The following CRB2 variants were observed in gnomAD, a reference collection of about 807,000 sequenced individuals.
CRB2 encodes crumbs cell polarity complex component 2, also known as protein crumbs homolog 2.
Under a neutral mutation model 110.9 loss-of-function variants are expected in CRB2, and 85 were observed. The observed-to-expected ratio is 0.77, with a 90% CI of 0.64 to 0.92. CRB2 has a LOEUF of 0.92. CRB2 is among the 40% of genes least tolerant of loss of function. The pLI is 0.00. For missense variants in CRB2, 1,843 were observed against 1,851.3 expected (o/e 1.00, Z 0.08); for synonymous variants, 907 against 831.0 (o/e 1.09, Z -1.57).
intron 6 of CRB2, among the ~76,000 whole-genome samples, chr9:123,368,104 C>T (rs1182976096): frequency 6.6e-6 from 1 of 152,100 alleles, no homozygotes. Flanking sequence ...GCCTTGGGTA[C>T]ACGCAGATGC....
intron 1 of CRB2, among the ~76,000 whole-genome samples, chr9:123,359,344 T>C (rs1291828146): frequency 6.6e-6 from 1 of 151,614 alleles, no homozygotes; most frequent in Non-Finnish European, 1.5e-5. Context: ...AGATCTTAGG[T>C]CGCTTCTTAG....
chr9:123,374,079 A>G (rs1362877278), intron 10 of CRB2, 159 bp downstream of exon 10: 1 of 1,019,684 alleles, frequency 9.8e-7, no homozygotes, highest in Admixed American at 2.0e-5. Context: ...AAATTTCCTG[A>G]TAAAATACAG....
intron 9 of CRB2, 60 bp downstream of exon 9, chr9:123,372,402 C>T (rs566601766): frequency 6.6e-7 from 1 of 1,525,902 alleles, no homozygotes; most frequent in African/African-American, 1.4e-5. Context: ...CTGGTTAGAT[C>T]CCATCTGCAC....
chr9:123,375,601 G>A (rs1162875829), intron 12 of CRB2, among the ~76,000 whole-genome samples: 3 of 152,230 alleles, frequency 2.0e-5, no homozygotes, highest in Admixed American at 6.5e-5. Flanking sequence ...TCCTCAGAGT[G>A]CCCAGGGCAG....
At chr9:123,367,954 G>A (rs1041553050) in intron 6 of CRB2, among the ~76,000 whole-genome samples, 5 of 152,064 alleles carry the variant, frequency 3.3e-5, no homozygotes, top group African/African-American at 7.2e-5. Flanking sequence ...CAGGGAAGAC[G>A]GAGGTGGTTC....
Position 123,370,778 on chromosome 9 carries a change from C to T in CRB2, c.1725C>T (p.Thr575=). Residue 575 remains threonine, a synonymous_variant, in exon 7 of 13, where the codon ACC becomes ACT. Transcript: ENST00000373631. ...GISSAQLGDA[T]FAGCLQDVRV... The stretch of plus-strand genomic sequence containing the variant: ...CCTCTGCCCAGCTGGGGGACGCGAC[C>T]TTTGCAGGCTGCCTCCAGGACGTGC... 1.9e-6 allele frequency: 3 copies of T among 1,602,854 alleles called. No homozygotes were observed. Among genetic ancestry groups the T allele is most frequent in the South Asian group, 1.1e-5 (1 of 91,056 alleles).
intron 1 of CRB2, among the ~76,000 whole-genome samples, chr9:123,362,191 G>C (rs749916648): frequency 6.6e-6 from 1 of 152,218 alleles, no homozygotes; most frequent in African/African-American, 2.4e-5. Flanking sequence ...AATGAGACCA[G>C]CGGAGCACAC....
At chr9:123,368,213 C>T (rs562688432) in intron 6 of CRB2, among the ~76,000 whole-genome samples, 9 of 152,262 alleles carry the variant, frequency 5.9e-5, no homozygotes, top group East Asian at 1.9e-4. Context: ...CACACCCGCC[C>T]GCATTCCTGC....
chr9:123,374,575 C>T lies in CRB2; in HGVS notation c.3390-4C>T. The T allele has an allele frequency of 1.9e-6, 3 of 1,610,258 alleles. No individual in the cohort carries two copies. Among genetic ancestry groups the T allele is most frequent in the Non-Finnish European group, 2.5e-6 (3 of 1,177,292 alleles). ...ACCCACTCCAGCCTCTGCTCTCTCCCCAGGTTGCCTGTCCCATCCAAGGAG... is the reference window on the plus strand; with the variant it reads ...ACCCACTCCAGCCTCTGCTCTCTCCTCAGGTTGCCTGTCCCATCCAAGGAG... On this transcript the variant is annotated splice_polypyrimidine_tract_variant and splice_region_variant and intron_variant, in intron 10 of 12. Transcript: ENST00000373631.
In CRB2 at chr9:123,373,666, T is replaced by G. The variant is rs2042054902; in HGVS notation, c.3135T>G (p.Pro1045=). 1.4e-6 allele frequency: 2 copies of G among 1,440,872 alleles called. No individual in the cohort carries two copies. The highest frequency in any genetic ancestry group is 1.4e-5 in the South Asian group (1 of 70,508). The allele number at this position is 1,440,872 out of a possible 1,614,324, so 89.3% of individuals were successfully genotyped here. A position where few individuals can be genotyped will look rare whatever the true frequency, so the allele number is the denominator to read the frequency against. ...PGAREHFASW[P]GTPAPILGCR... is the part of the protein sequence containing the mutation. Reference sequence around the variant, plus strand: ...CCCGAGAGCACTTCGCGTCTTGGCCTGGGACGCCGGCCCCGATCCTCGGCT... The same window carrying G: ...CCCGAGAGCACTTCGCGTCTTGGCCGGGGACGCCGGCCCCGATCCTCGGCT... The change falls in exon 10 of 13, where the codon CCT becomes CCG. Residue 1045 remains proline (P), a synonymous_variant. Coordinates refer to ENST00000373631, the MANE Select transcript of CRB2 (RefSeq NM_173689.7).
Position 123,373,825 on chromosome 9 carries a change from T to TCACTCCGCCCCCTGC in CRB2, c.3295_3309dup (p.His1099_Cys1103dup). 1.9e-6 allele frequency: 3 copies of TCACTCCGCCCCCTGC among 1,578,200 alleles called. No individual in the cohort carries two copies. The highest frequency in any genetic ancestry group is 2.6e-6 in the Non-Finnish European group (3 of 1,169,240). On this transcript the variant is annotated inframe_insertion, in exon 10 of 13. Coordinates refer to ENST00000373631, the MANE Select transcript of CRB2 (RefSeq NM_173689.7). ...GCTGCGAAGCCCACGTCGACCCCTG[T>TCACTCCGCCCCCTGC]CACTCCGCCCCCTGCGCCCGTGGCC...
rs768585890 is a variant in CRB2 at position 123,365,892 on chromosome 9, CCT to C, written c.419-24_419-23del. Reference sequence around the variant, plus strand: ...CCTGCTCTGGGTGTCCATCCTGCACCCTGTGTGTCCCCTGCCCTGTCCAGGCG... The same window carrying C: ...CCTGCTCTGGGTGTCCATCCTGCACCGTGTGTCCCCTGCCCTGTCCAGGCG... On this transcript the variant is annotated intron_variant, in intron 2 of 12. Coordinates refer to ENST00000373631, the MANE Select transcript of CRB2 (RefSeq NM_173689.7). 2.5e-6 allele frequency: 4 copies of C among 1,575,920 alleles called. No homozygotes were observed. The African/African-American group carries it at 4.1e-5, about 16-fold the overall frequency.
intron 3 of CRB2, 43 bp downstream of exon 3, chr9:123,366,155 G>C: frequency 7.3e-7 from 1 of 1,377,706 alleles, no homozygotes; most frequent in Middle Eastern, 2.4e-4. Context: ...CCGGGTGCCC[G>C]AGGGCGGGGA....
rs531089400 is a variant in CRB2, at chr9:123,375,941, G to A, written c.3633+598G>A. ...GTGGGTGCTGGCGAGGAGAGGCTTG[G>A]AAGGGAAGTCTGGGGAGCAGCCTTG... is the stretch of plus-strand genomic sequence containing the variant. On this transcript the variant is annotated intron_variant, in intron 12 of 12. Coordinates refer to ENST00000373631, the MANE Select transcript of CRB2 (RefSeq NM_173689.7). Among the ~76,000 whole-genome samples, 30 of 152,236 alleles carry A rather than the reference G, an allele frequency of 2.0e-4. No individual in the cohort carries two copies. The South Asian group carries it at 5.8e-3, about 29-fold the overall frequency.
Position 123,366,225 on chromosome 9 carries a change from A to G in CRB2, c.615-2A>G. On this transcript the variant is annotated splice_acceptor_variant, in intron 3 of 12. Coordinates refer to ENST00000373631, the MANE Select transcript of CRB2 (RefSeq NM_173689.7). LOFTEE classifies it high-confidence loss of function. ...TCAGCTCCGCCGGTGCGCCCTCCCC[A>G]GGTTCCGGTGCGACTGCGCGGGCAC... is the stretch of plus-strand genomic sequence containing the variant. 3 of 1,450,854 alleles carry G rather than the reference A, an allele frequency of 2.1e-6. No homozygotes were observed. Among genetic ancestry groups the G allele is most frequent in the Non-Finnish European group, 2.7e-6 (3 of 1,111,122 alleles). The allele number at this position is 1,450,854 out of a possible 1,614,324, so 89.9% of individuals were successfully genotyped here. A position where few individuals can be genotyped will look rare whatever the true frequency, so the allele number is the denominator to read the frequency against.
Position 123,373,924 on chromosome 9 carries a change from G to A in CRB2, c.3389+4G>A, listed in dbSNP as rs2042062481. On this transcript the variant is annotated splice_donor_region_variant and intron_variant, in intron 10 of 12. Coordinates refer to ENST00000373631, the MANE Select transcript of CRB2 (RefSeq NM_173689.7). ...GCTTCGGGGGCCCGCGCTGCAGGTG[G>A]GATGGCTGGGCAGGGGGGTGGGCTG... The A allele has an allele frequency of 6.5e-7, 1 of 1,549,670 alleles. No individual in the cohort carries two copies. Among genetic ancestry groups the A allele is most frequent in the South Asian group, 1.2e-5 (1 of 84,132 alleles).
rs1280017278 is a variant in CRB2, at chr9:123,373,315, G to C, written c.2784G>C (p.Ser928=). Residue 928 remains serine (S), a synonymous_variant, in exon 10 of 13, where the codon TCG becomes TCC. Transcript: ENST00000373631. The part of the protein sequence containing the change: ...EGVWLAVRNG[S]LAGGVRGGHG... Reference sequence around the variant, plus strand: ...TGTGGCTGGCGGTGCGCAATGGCTCGCTGGCGGGGGGCGTGCGCGGAGGCC... The same window carrying C: ...TGTGGCTGGCGGTGCGCAATGGCTCCCTGGCGGGGGGCGTGCGCGGAGGCC... The C allele has an allele frequency of 3.4e-6, 5 of 1,459,114 alleles. No homozygotes were observed. Among genetic ancestry groups the C allele is most frequent in the Non-Finnish European group, 4.5e-6 (5 of 1,114,654 alleles). 90.4% of individuals were successfully genotyped at this position (1,459,114 alleles called of 1,614,324 possible).
At chr9:123,364,842 G>A (rs1039864417) in intron 2 of CRB2, among the ~76,000 whole-genome samples, 1 of 152,190 alleles carries the variant, frequency 6.6e-6, no homozygotes, top group South Asian at 2.1e-4. Context: ...GACTGCGAGG[G>A]TTCTGGGGAC....
chr9:123,358,128 G>A (rs2041820954), intron 1 of CRB2, among the ~76,000 whole-genome samples: 1 of 152,228 alleles, frequency 6.6e-6, no homozygotes, highest in Admixed American at 6.5e-5. Flanking sequence ...TAGACTGCCT[G>A]CCGGGAGGGG....
Sources: gnomAD v4.1 joint callset for allele counts (sites outside exome capture counted in the v4.1 genomes callset) on GRCh38, gnomAD v4.1.1 for gene constraint, MANE v1.5 for transcripts, NCBI Gene and HGNC (gene_info 2026-07-23, HGNC 2026-07-21) for gene names.